The following PLPPR1 variants were observed in gnomAD, a reference collection of about 807,000 sequenced individuals.
The protein encoded by PLPPR1 is phospholipid phosphatase-related protein type 1.
PLPPR1 carries 10 observed loss-of-function variants against 33.1 expected under a neutral mutation model. The observed-to-expected ratio is 0.30, with a 90% confidence interval of 0.19 to 0.51. PLPPR1 has a LOEUF of 0.51. Ranked by LOEUF, PLPPR1 falls within the 20% of genes least tolerant of loss-of-function variation. PLPPR1 has a pLI of 0.97. For missense variants in PLPPR1, 304 were observed against 408.1 expected (o/e 0.74, Z 2.20); for synonymous variants, 151 against 151.0 (o/e 1.00, Z 0.00).
chr9:101,310,766 T>C (rs1007024193), intron 5 of PLPPR1, among the ~76,000 whole-genome samples: 1 of 152,210 alleles, frequency 6.6e-6, no homozygotes, highest in African/African-American at 2.4e-5. Context: ...TGCCTTTGTG[T>C]CCCATTTACA....
intron 1 of PLPPR1, among the ~76,000 whole-genome samples, chr9:101,165,422 C>A (rs1825840669): frequency 2.0e-5 from 3 of 152,090 alleles, no homozygotes; most frequent in Admixed American, 1.3e-4. Context: ...AGAAACTGAA[C>A]TATGCCTTGA....
chr9:101,147,433 G>A (rs187599271), intron 1 of PLPPR1, among the ~76,000 whole-genome samples: 88 of 152,160 alleles, frequency 5.8e-4, no homozygotes, highest in African/African-American at 2.0e-3. Context: ...CTGCCTTTTT[G>A]GCTCATCCTG....
intron 2 of PLPPR1, among the ~76,000 whole-genome samples, chr9:101,221,665 GC>G (rs1047490015): frequency 6.6e-6 from 1 of 152,124 alleles, no homozygotes; most frequent in Non-Finnish European, 1.5e-5. Flanking sequence ...GGAAATGGAA[GC>G]TCAGAGGTGA....
intron 2 of PLPPR1, among the ~76,000 whole-genome samples, chr9:101,228,144 T>C (rs1827109425): frequency 6.6e-6 from 1 of 152,160 alleles, no homozygotes; most frequent in African/African-American, 2.4e-5. Flanking sequence ...TTTGAGATAC[T>C]TTGTTATTGC....
intron 2 of PLPPR1, among the ~76,000 whole-genome samples, chr9:101,243,305 G>C (rs955591745): frequency 4.6e-5 from 7 of 151,994 alleles, no homozygotes; most frequent in African/African-American, 7.2e-5. Flanking sequence ...AAATATATTA[G>C]TGGAAGTGAA....
chr9:101,281,720 A>T (rs1278287000), intron 3 of PLPPR1, among the ~76,000 whole-genome samples: 1 of 152,156 alleles, frequency 6.6e-6, no homozygotes, highest in Non-Finnish European at 1.5e-5. Flanking sequence ...GAAGATTCAA[A>T]GATTCAAAAT....
intron 2 of PLPPR1, among the ~76,000 whole-genome samples, chr9:101,215,719 C>T (rs1363000493): frequency 6.6e-6 from 1 of 152,096 alleles, no homozygotes; most frequent in Non-Finnish European, 1.5e-5. Context: ...TTACCTCTCA[C>T]GTATGAGTGA....
At chr9:101,147,592 G>A (rs1831535801) in intron 1 of PLPPR1, among the ~76,000 whole-genome samples, 1 of 152,116 alleles carries the variant, frequency 6.6e-6, no homozygotes, top group African/African-American at 2.4e-5. Flanking sequence ...GAAGGAGAAG[G>A]AAAGAGGGGG....
At chr9:101,198,464 A>C (rs1826437681) in intron 2 of PLPPR1, among the ~76,000 whole-genome samples, 1 of 152,224 alleles carries the variant, frequency 6.6e-6, no homozygotes, top group African/African-American at 2.4e-5. Flanking sequence ...TCAATGACAA[A>C]TTTCATACTC....
chr9:101,048,104 C>A (rs1451102044), intron 1 of PLPPR1, among the ~76,000 whole-genome samples: 1 of 152,288 alleles, frequency 6.6e-6, no homozygotes, highest in East Asian at 1.9e-4. Context: ...GCATGTGCCA[C>A]ACTCAGGTAC....
At position 101,148,044 on chromosome 9, in the gene PLPPR1, G is replaced by C. The variant is rs115820569; in HGVS notation, c.-45-37406G>C. 2.0e-3 allele frequency among the ~76,000 whole-genome samples: 303 copies of C among 152,254 alleles called. 2 individuals are homozygous for C. Among genetic ancestry groups the C allele is most frequent in the African/African-American group, 7.0e-3 (289 of 41,566 alleles). On this transcript the variant is annotated intron_variant, in intron 1 of 7. Coordinates refer to ENST00000374874, the MANE Select transcript of PLPPR1 (RefSeq NM_207299.2). The stretch of plus-strand genomic sequence containing the variant: ...GGTCCTACATGTGTGCAGTTAGGCT[G>C]TCATCAACCTGCCTCTCTGCTCCAA...
chr9:101,238,816 T>C (rs982692536), intron 2 of PLPPR1, among the ~76,000 whole-genome samples: 3 of 151,926 alleles, frequency 2.0e-5, no homozygotes, highest in African/African-American at 4.8e-5. Flanking sequence ...GCCATACTTA[T>C]ACAGAACACC....
At chr9:101,096,919 A>G (rs962766983) in intron 1 of PLPPR1, among the ~76,000 whole-genome samples, 2 of 152,034 alleles carry the variant, frequency 1.3e-5, no homozygotes, top group Admixed American at 6.6e-5. Context: ...TTTAAAACTT[A>G]GCCAGATGTG....
chr9:101,294,016 C>G (rs1200759179), intron 4 of PLPPR1, among the ~76,000 whole-genome samples: 1 of 152,050 alleles, frequency 6.6e-6, no homozygotes, highest in Admixed American at 6.6e-5. Flanking sequence ...AATCCAGGAG[C>G]TGATTTTTTG....
At chr9:101,229,403 TCA>T (rs150214449) in intron 2 of PLPPR1, among the ~76,000 whole-genome samples, 2,239 of 152,168 alleles carry the variant, frequency 0.015, 46 homozygotes, top group African/African-American at 0.049. Flanking sequence ...TTTGAGAAAT[TCA>T]CACTTTATTT....
intron 2 of PLPPR1, chr9:101,188,061 T>C (rs986892305): frequency 2.6e-5 from 4 of 152,078 alleles, no homozygotes; most frequent in African/African-American, 9.7e-5. Flanking sequence ...CATTCAACAT[T>C]ATGTTTCTGA....
intron 4 of PLPPR1, among the ~76,000 whole-genome samples, chr9:101,288,185 C>T (rs1588111960): frequency 6.6e-6 from 1 of 152,236 alleles, no homozygotes; most frequent in South Asian, 2.1e-4. Context: ...AAGATCACCA[C>T]CATCCAGGAA....
chr9:101,146,549 G>A (rs1831524048), intron 1 of PLPPR1, among the ~76,000 whole-genome samples: 1 of 152,178 alleles, frequency 6.6e-6, no homozygotes, highest in African/African-American at 2.4e-5. Context: ...GATTACCCGG[G>A]AATTTTAGAA....
At chr9:101,086,779 C>G (rs936116585) in intron 1 of PLPPR1, among the ~76,000 whole-genome samples, 1 of 152,176 alleles carries the variant, frequency 6.6e-6, no homozygotes, top group Non-Finnish European at 1.5e-5. Context: ...CATACTCCTT[C>G]ATGGACTTCT....
Sources: gnomAD v4.1 joint callset for allele counts (sites outside exome capture counted in the v4.1 genomes callset) on GRCh38, gnomAD v4.1.1 for gene constraint, MANE v1.5 for transcripts, NCBI Gene and HGNC (gene_info 2026-07-23, HGNC 2026-07-21) for gene names.